COPS7A: variants seen among roughly 807,000 people sequenced by gnomAD.
COPS7A encodes COP9 signalosome complex subunit 7a.
In COPS7A, 20 loss-of-function variants were observed where a neutral mutation model predicts 35.2. The observed-to-expected ratio is 0.57, with a 90% CI of 0.40 to 0.83. The LOEUF (loss-of-function observed/expected upper bound fraction) is 0.83, where lower values mean the gene tolerates loss of function less well. Ranked by LOEUF, COPS7A falls within the 40% of genes least tolerant of loss-of-function variation. The probability of loss-of-function intolerance (pLI) is 0.00; values close to 1 mark genes in which losing one functional copy is unlikely to be tolerated. For synonymous variants in COPS7A, 139 were observed against 141.4 expected (o/e 0.98, Z 0.12); for missense variants, 247 against 347.5 (o/e 0.71, Z 2.30).
rs978139474 is a variant in COPS7A at position 6,729,417 on chromosome 12, C to T, written c.498C>T (p.Asp166=). ...TCGGGCGGGACATCCAGCGCCAGGA[C>T]CTCAGTGCCATTGCCCGAACCCTGC... ...YSIGRDIQRQ[D]LSAIARTLQE... is the part of the protein sequence containing the mutation. The change falls in exon 5 of 8, where the codon GAC becomes GAT. Residue 166 remains aspartate (D), a synonymous_variant. Coordinates refer to ENST00000543155, the MANE Select transcript of COPS7A (RefSeq NM_001164094.2). This position sits in a 1 kb window ranked among gnomAD's most constrained non-coding sequence, Gnocchi z 4.2. The T allele has an allele frequency of 3.1e-6, 5 of 1,613,976 alleles. No homozygotes were observed. In the African/African-American group the frequency reaches 6.7e-5, roughly 22 times the overall value.
At chr12:6,727,163 C>G (rs989233037) in intron 2 of COPS7A, among the ~76,000 whole-genome samples, 3 of 151,996 alleles carry the variant, frequency 2.0e-5, no homozygotes, top group Non-Finnish European at 1.5e-5. Flanking sequence ...GTGGCGAAAC[C>G]CTGTTTCTAC....
chr12:6,727,595 G>T (rs568290739), intron 2 of COPS7A: 1 of 485,410 alleles, frequency 2.1e-6, no homozygotes, highest in Admixed American at 2.4e-5. Flanking sequence ...TCTGAGGGCA[G>T]GCAACACAAT....
intron 1 of COPS7A, 106 bp from the exon 2 acceptor site, chr12:6,724,508 C>T: frequency 1.1e-6 from 1 of 918,700 alleles, no homozygotes; most frequent in Non-Finnish European, 1.7e-6. Context: ...TCTGATTCCT[C>T]ACCGCAGAAC....
Position 6,728,015 on chromosome 12 carries a change from T to C in COPS7A, c.238+14T>C. On this transcript the variant is annotated intron_variant, in intron 3 of 7. Coordinates refer to ENST00000543155, the MANE Select transcript of COPS7A (RefSeq NM_001164094.2). Reference sequence around the variant, plus strand: ...CTGACTACTTAGGTAACCAGAGGGGTTGGTGCTCTGGAGTAATGGAGATGG... The same window carrying C: ...CTGACTACTTAGGTAACCAGAGGGGCTGGTGCTCTGGAGTAATGGAGATGG... The C allele has an allele frequency of 6.2e-7, 1 of 1,612,692 alleles. No homozygotes were observed. Among genetic ancestry groups the C allele is most frequent in the Non-Finnish European group, 8.5e-7 (1 of 1,178,812 alleles).
Position 6,729,439 on chromosome 12 carries a change from C to G in COPS7A, c.520C>G (p.Leu174Val). ...RQDLSAIART[L>V]QEWCVGCEVV... Reference sequence around the variant, plus strand: ...GGACCTCAGTGCCATTGCCCGAACCCTGCAGGAATGGTGAGAACCGTATCC... The same window carrying G: ...GGACCTCAGTGCCATTGCCCGAACCGTGCAGGAATGGTGAGAACCGTATCC... The change falls in exon 5 of 8, where the codon CTG (leucine) becomes GTG (valine). Residue 174 changes from leucine (L) to valine (V), a missense_variant. By Grantham distance (32) the Leu-to-Val change is conservative. Transcript: ENST00000543155. The surrounding 1 kb of genome is among the most constrained non-coding windows in gnomAD (Gnocchi z 4.2). 2 of 1,613,684 alleles carry G rather than the reference C, an allele frequency of 1.2e-6. No homozygotes were observed. Among genetic ancestry groups the G allele is most frequent in the East Asian group, 4.5e-5 (2 of 44,880 alleles).
intron 1 of COPS7A, 70 bp from the exon 2 acceptor site, chr12:6,724,544 C>T: frequency 3.1e-6 from 4 of 1,271,552 alleles, no homozygotes; most frequent in Non-Finnish European, 3.4e-6. Flanking sequence ...ACAATCCAGT[C>T]CCTCAGCCTT....
intron 2 of COPS7A, 107 bp from the exon 3 acceptor site, chr12:6,727,819 C>T: frequency 1.0e-6 from 1 of 984,378 alleles, no homozygotes; most frequent in Non-Finnish European, 1.6e-6. Flanking sequence ...GGAGAGTTAA[C>T]ATTGGCCGGG....
chr12:6,728,210 C>A lies in COPS7A; in HGVS notation c.239-13C>A. The A allele has an allele frequency of 1.2e-6, 2 of 1,612,322 alleles. No homozygotes were observed. The highest frequency in any genetic ancestry group is 2.2e-5 in the South Asian group (2 of 90,932). ...GAAATCAGGATTCCTTACACTTTGTCGTTTTTCCCTAGCTGAAGCCCGGAA... is the reference window on the plus strand; with the variant it reads ...GAAATCAGGATTCCTTACACTTTGTAGTTTTTCCCTAGCTGAAGCCCGGAA... On this transcript the variant is annotated splice_polypyrimidine_tract_variant and intron_variant, in intron 3 of 7. Coordinates refer to ENST00000543155, the MANE Select transcript of COPS7A (RefSeq NM_001164094.2).
rs11411867 is a variant in COPS7A at position 6,727,336 on chromosome 12, C to CAAAA, written c.163-573_163-570dup. On this transcript the variant is annotated intron_variant, in intron 2 of 7. Coordinates refer to ENST00000543155, the MANE Select transcript of COPS7A (RefSeq NM_001164094.2). ...TGGGTAACAGAGGGAGACTCTGTCT[C>CAAAA]AAAAAAAAAAAAAAAAAAAAGTGCC... 1.2e-4 allele frequency among the ~76,000 whole-genome samples: 11 copies of CAAAA among 88,008 alleles called. No individual in the cohort carries two copies. The South Asian group carries it at 1.3e-3, about 10-fold the overall frequency. 57.7% of individuals were successfully genotyped at this position (88,008 alleles called of 152,430 possible). A position where few individuals can be genotyped will look rare whatever the true frequency, so the allele number is the denominator to read the frequency against.
In COPS7A at chr12:6,729,836, A is replaced by G. The variant is rs1418377748; in HGVS notation, c.530+387A>G. On this transcript the variant is annotated intron_variant, in intron 5 of 7. Coordinates refer to ENST00000543155, the MANE Select transcript of COPS7A (RefSeq NM_001164094.2). This position sits in a 1 kb window ranked among gnomAD's most constrained non-coding sequence, Gnocchi z 4.2. ...ATCTAACTTCAGGGTTTCTGTATTC[A>G]TTAAGTCACCTCTTTTTCTCTTTGG... is the stretch of plus-strand genomic sequence containing the variant. 2.6e-5 allele frequency among the ~76,000 whole-genome samples: 4 copies of G among 152,098 alleles called. No individual in the cohort carries two copies. The highest frequency in any genetic ancestry group is 5.9e-5 in the Non-Finnish European group (4 of 68,022).
At chr12:6,730,285 G>C in intron 5 of COPS7A, 117 bp from the exon 6 acceptor site, 4 of 902,408 alleles carry the variant, frequency 4.4e-6, no homozygotes, top group Non-Finnish European at 7.1e-6. Flanking sequence ...CCAAAATGCA[G>C]GGATTATGGG....
rs1941348120 is a variant in COPS7A, at chr12:6,729,839, A to G, written c.530+390A>G. 2.0e-5 allele frequency among the ~76,000 whole-genome samples: 3 copies of G among 152,218 alleles called. No individual in the cohort carries two copies. Among genetic ancestry groups the G allele is most frequent in the African/African-American group, 7.2e-5 (3 of 41,538 alleles). On this transcript the variant is annotated intron_variant, in intron 5 of 7. Coordinates refer to ENST00000543155, the MANE Select transcript of COPS7A (RefSeq NM_001164094.2). The surrounding 1 kb of genome is among the most constrained non-coding windows in gnomAD (Gnocchi z 4.2). ...TAACTTCAGGGTTTCTGTATTCATT[A>G]AGTCACCTCTTTTTCTCTTTGGCAT...
rs1396271960 is a variant in COPS7A, at chr12:6,724,816, G to A, written c.160G>A (p.Glu54Lys). Residue 54 changes from glutamate to lysine, a missense_variant and splice_region_variant, in exon 2 of 8, where the codon GAG becomes AAG. Glu to Lys is a moderately conservative substitution (Grantham distance 56). Transcript: ENST00000543155. ...GELLDMPNVRELAESDFASTF... is the reference protein window; with the variant it reads ...GELLDMPNVRKLAESDFASTF... ...ACTGCTGGACATGCCCAATGTTAGA[G>A]AGGTGGGTTGCTGGCTTGAATAGCC... 1.9e-6 allele frequency: 3 copies of A among 1,614,034 alleles called. No individual in the cohort carries two copies. The highest frequency in any genetic ancestry group is 2.5e-6 in the Non-Finnish European group (3 of 1,180,008).
chr12:6,725,648 A>G (rs1941234166), intron 2 of COPS7A: 1 of 455,952 alleles, frequency 2.2e-6, no homozygotes, highest in Non-Finnish European at 4.4e-6. Flanking sequence ...TTTTTCCCAG[A>G]GACACATGGC....
rs530002332 is a variant in COPS7A at position 6,726,166 on chromosome 12, T to A, written c.162+1348T>A. ...CGTCTCTACTAAAAATACAAAAAAT[T>A]AGCCGGGTGTGGTGGCGGGCGCCTG... On this transcript the variant is annotated intron_variant, in intron 2 of 7. Transcript: ENST00000543155. Among the ~76,000 whole-genome samples the A allele has an allele frequency of 1.9e-3, 290 of 150,302 alleles. 1 individual carries two copies. Among genetic ancestry groups the A allele is most frequent in the Non-Finnish European group, 3.3e-3 (224 of 67,704 alleles).
In COPS7A at chr12:6,724,606, C is replaced by T. The variant is rs779091503; in HGVS notation, c.-43-8C>T. 1.2e-6 allele frequency: 2 copies of T among 1,611,440 alleles called. No homozygotes were observed. The highest frequency in any genetic ancestry group is 1.7e-6 in the Non-Finnish European group (2 of 1,177,962). On this transcript the variant is annotated splice_region_variant and splice_polypyrimidine_tract_variant and intron_variant, in intron 1 of 7. Transcript: ENST00000543155. ...GGACCTCTAGCTTCACATCCTCTTT[C>T]CTTGCAGCTCTGGACATCCTGAGCC...
At position 6,727,048 on chromosome 12, in the gene COPS7A, A is replaced by G. The variant is rs138388094; in HGVS notation, c.163-878A>G. On this transcript the variant is annotated intron_variant, in intron 2 of 7. Transcript: ENST00000543155. ...TGCAAGGATTGATTGATTAAGTGCCAGAATGAAGCTGAGCACAGTGGCTCA... is the reference window on the plus strand; with the variant it reads ...TGCAAGGATTGATTGATTAAGTGCCGGAATGAAGCTGAGCACAGTGGCTCA... 8.1e-4 allele frequency among the ~76,000 whole-genome samples: 124 copies of G among 152,360 alleles called. 1 individual carries two copies. The highest frequency in any genetic ancestry group is 6.8e-3 in the Middle Eastern group (2 of 294).
intron 3 of COPS7A, 109 bp downstream of exon 3, chr12:6,728,110 A>C: frequency 1.4e-6 from 2 of 1,444,378 alleles, no homozygotes; most frequent in Non-Finnish European, 9.7e-7. Context: ...CTGGATGCAT[A>C]GGGTCAGGGT....
In COPS7A at chr12:6,731,285, T is replaced by C; in HGVS notation, c.*246T>C. 1 of 1,435,190 alleles carries C rather than the reference T, an allele frequency of 7.0e-7. No individual in the cohort carries two copies. The highest frequency in any genetic ancestry group is 9.1e-7 in the Non-Finnish European group (1 of 1,098,100). 88.9% of individuals were successfully genotyped at this position (1,435,190 alleles called of 1,614,324 possible). On this transcript the variant is annotated 3_prime_UTR_variant, in exon 8 of 8. Transcript: ENST00000543155. ...TCCATTGCTCCCCGCTGCCATGCTC[T>C]CTCCCTTGTTTCCTTAAGAGCTCAG...
Sources: allele counts gnomAD v4.1 joint callset (sites outside exome capture counted in the v4.1 genomes callset), GRCh38; gene constraint gnomAD v4.1.1; non-coding constraint Gnocchi (gnomAD v3.1); transcripts MANE v1.5; gene names NCBI Gene and HGNC (gene_info 2026-07-23, HGNC 2026-07-21).